The following ADGRL1 variants were observed in gnomAD, a reference collection of about 807,000 sequenced individuals.
ADGRL1 encodes the protein CIRL-1.
ADGRL1 carries 31 observed loss-of-function variants against 148.9 expected under a neutral mutation model. That is an observed-to-expected ratio of 0.21 (90% CI 0.16 to 0.28). The LOEUF is 0.28. Among genes scored for constraint, ADGRL1 ranks in the 10% least tolerant of loss-of-function variants. The probability of loss-of-function intolerance (pLI) is 1.00; values close to 1 mark genes in which losing one functional copy is unlikely to be tolerated. For synonymous variants in ADGRL1, 937 were observed against 900.3 expected, an observed-to-expected ratio of 1.04 and a Z score of -0.73; for missense variants, 1,521 against 2,058.8, an observed-to-expected ratio of 0.74 and a Z score of 5.05.
intron 4 of ADGRL1, chr19:14,166,864 C>A: frequency 1.3e-6 from 1 of 786,050 alleles, no homozygotes; most frequent in South Asian, 1.5e-5. Flanking sequence ...GGGCTGGTCC[C>A]ACTGGGAGGA....
intron 1 of ADGRL1, among the ~76,000 whole-genome samples, chr19:14,201,908 G>A (rs1228667931): frequency 1.3e-5 from 2 of 152,196 alleles, no homozygotes; most frequent in East Asian, 3.8e-4. Flanking sequence ...TGAACATCAG[G>A]AGGGGTGTGG....
At chr19:14,192,147 G>A (rs1470776287) in intron 1 of ADGRL1, among the ~76,000 whole-genome samples, 2 of 152,288 alleles carry the variant, frequency 1.3e-5, no homozygotes, top group South Asian at 2.1e-4. Flanking sequence ...TGGGAGGGAG[G>A]TGGGAAGATA....
chr19:14,160,547 T>G lies in ADGRL1; in HGVS notation c.1614+46A>C. 1 of 1,409,086 alleles carries G rather than the reference T, an allele frequency of 7.1e-7. No individual in the cohort carries two copies. The highest frequency in any genetic ancestry group is 9.7e-7 in the Non-Finnish European group (1 of 1,030,656). 87.3% of individuals were successfully genotyped at this position (1,409,086 alleles called of 1,614,324 possible). A position where few individuals can be genotyped will look rare whatever the true frequency, so the allele number is the denominator to read the frequency against. ...ACGACCCCCGCTGGGCCCTGGGCCC[T>G]GGGCCCGAGCACATGTGCCTGCCTG... On this transcript the variant is annotated intron_variant, in intron 7 of 22. Coordinates refer to ENST00000361434, the MANE Select transcript of ADGRL1 (RefSeq NM_014921.5). This position sits in a 1 kb window ranked among gnomAD's most constrained non-coding sequence, Gnocchi z 5.9.
intron 3 of ADGRL1, chr19:14,171,078 T>C (rs1479975735): frequency 9.4e-6 from 3 of 317,472 alleles, no homozygotes; most frequent in Non-Finnish European, 1.8e-5. Context: ...GATCTGGTTG[T>C]TTAAAAGTGT....
At chr19:14,189,584 G>A (rs1481591623) in intron 1 of ADGRL1, among the ~76,000 whole-genome samples, 2 of 152,092 alleles carry the variant, frequency 1.3e-5, no homozygotes, top group Admixed American at 6.6e-5. Flanking sequence ...GCTCACCTAC[G>A]TTCTAGCCTG....
At chr19:14,181,446 C>T (rs557883384) in intron 2 of ADGRL1, among the ~76,000 whole-genome samples, 3 of 152,106 alleles carry the variant, frequency 2.0e-5, no homozygotes, top group Non-Finnish European at 2.9e-5. Flanking sequence ...TGGCTGGGCG[C>T]GGTGGTTCAC....
At position 14,155,091 on chromosome 19, in the gene ADGRL1, T is replaced by G. The variant is rs1165752483; in HGVS notation, c.3294+268A>C. On this transcript the variant is annotated intron_variant, in intron 18 of 22. Coordinates refer to ENST00000361434, the MANE Select transcript of ADGRL1 (RefSeq NM_014921.5). The surrounding 1 kb of genome is among the most constrained non-coding windows in gnomAD (Gnocchi z 5.0). Reference sequence around the variant, plus strand: ...CTCGTGGCCCTCATGGTGGTGAGGGTTCCCCATTACCAAATCTGTTCTGCT... The same window carrying G: ...CTCGTGGCCCTCATGGTGGTGAGGGGTCCCCATTACCAAATCTGTTCTGCT... 4.1e-6 allele frequency: 1 copy of G among 243,174 alleles called. No individual in the cohort carries two copies. The highest frequency in any genetic ancestry group is 8.0e-6 in the Non-Finnish European group (1 of 125,476). 15.1% of individuals were successfully genotyped at this position (243,174 alleles called of 1,614,324 possible). A position where few individuals can be genotyped will look rare whatever the true frequency, so the allele number is the denominator to read the frequency against.
intron 1 of ADGRL1, among the ~76,000 whole-genome samples, chr19:14,198,373 A>T (rs1394850115): frequency 2.0e-5 from 3 of 151,962 alleles, no homozygotes; most frequent in Non-Finnish European, 4.4e-5. Context: ...TCTCTACCCC[A>T]CCTGTCCCTT....
At chr19:14,184,874 C>G (rs952041972) in intron 1 of ADGRL1, among the ~76,000 whole-genome samples, 1 of 152,016 alleles carries the variant, frequency 6.6e-6, no homozygotes, top group Non-Finnish European at 1.5e-5. Context: ...CTCCTGACCT[C>G]GTGATCCGCC....
intron 1 of ADGRL1, among the ~76,000 whole-genome samples, chr19:14,184,278 G>A (rs905363141): frequency 1.3e-5 from 2 of 152,116 alleles, no homozygotes; most frequent in South Asian, 2.1e-4. Context: ...GGGTAAGCTG[G>A]AGACAGGCAG....
At chr19:14,165,858 G>C (rs928923825) in intron 4 of ADGRL1, among the ~76,000 whole-genome samples, 1 of 152,106 alleles carries the variant, frequency 6.6e-6, no homozygotes, top group African/African-American at 2.4e-5. Context: ...GTAATTTCAA[G>C]GCAAAAGGGA....
Position 14,196,174 on chromosome 19 carries a change from C to G in ADGRL1, c.-96+9811G>C, listed in dbSNP as rs554839043. Among the ~76,000 whole-genome samples the G allele has an allele frequency of 3.3e-5, 5 of 152,340 alleles. No individual in the cohort carries two copies. In the East Asian group the frequency reaches 9.6e-4, roughly 29 times the overall value. ...ATCTCTACCTCGAGGCGAGAACAAT[C>G]TTTGCAAAATGAAACTGTCTACAGT... On this transcript the variant is annotated intron_variant, in intron 1 of 22. Coordinates refer to ENST00000361434, the MANE Select transcript of ADGRL1 (RefSeq NM_014921.5).
chr19:14,183,227 G>GAGAGAGAGAGAGAC (rs1568616325), intron 2 of ADGRL1, among the ~76,000 whole-genome samples: 1 of 152,022 alleles, frequency 6.6e-6, no homozygotes, highest in Admixed American at 6.5e-5. Context: ...GCGAGAGAGA[G>GAGAGAGAGAGAGAC]ACAGAGAGAG....
At position 14,168,982 on chromosome 19, in the gene ADGRL1, T is replaced by A. The variant is rs573155067; in HGVS notation, c.394+1700A>T. 2.0e-5 allele frequency: 3 copies of A among 152,384 alleles called. No individual in the cohort carries two copies. In the South Asian group the frequency reaches 6.2e-4, roughly 32 times the overall value. The allele number at this position is 152,384 out of a possible 1,614,324, so 9.4% of individuals were successfully genotyped here. A position where few individuals can be genotyped will look rare whatever the true frequency, so the allele number is the denominator to read the frequency against. On this transcript the variant is annotated intron_variant, in intron 4 of 22. Transcript: ENST00000361434. Reference sequence around the variant, plus strand: ...AAGCAGGCACCATTTCCTTTGCATCTACAGCTCGGGTGCACACAAGCTTGA... The same window carrying A: ...AAGCAGGCACCATTTCCTTTGCATCAACAGCTCGGGTGCACACAAGCTTGA...
chr19:14,162,139 A>C lies in ADGRL1; in HGVS notation c.1195+467T>G, dbSNP rs959517166. On this transcript the variant is annotated intron_variant, in intron 5 of 22. Coordinates refer to ENST00000361434, the MANE Select transcript of ADGRL1 (RefSeq NM_014921.5). The surrounding 1 kb of genome is among the most constrained non-coding windows in gnomAD (Gnocchi z 5.4). Reference sequence around the variant, plus strand: ...TCCCTGGAGCCCTGGGGTGGCACAGAGCTAGCAGGGCAGCTAGGCGGGGCA... The same window carrying C: ...TCCCTGGAGCCCTGGGGTGGCACAGCGCTAGCAGGGCAGCTAGGCGGGGCA... Among the ~76,000 whole-genome samples, 3 of 152,166 alleles carry C rather than the reference A, an allele frequency of 2.0e-5. No homozygotes were observed. Among genetic ancestry groups the C allele is most frequent in the Non-Finnish European group, 4.4e-5 (3 of 68,016 alleles).
intron 2 of ADGRL1, among the ~76,000 whole-genome samples, chr19:14,178,460 G>A (rs182448618): frequency 1.4e-4 from 22 of 152,100 alleles, no homozygotes; most frequent in African/African-American, 5.1e-4. Context: ...AGCCATGATT[G>A]TGCCATTGCA....
chr19:14,187,190 T>C (rs1599495885), intron 1 of ADGRL1, among the ~76,000 whole-genome samples: 1 of 151,922 alleles, frequency 6.6e-6, no homozygotes, highest in East Asian at 1.9e-4. Flanking sequence ...TACCAAAAAA[T>C]TAGCCGGGCG....
intron 11 of ADGRL1, 106 bp from the exon 12 acceptor site, chr19:14,158,658 C>CG: frequency 2.3e-6 from 2 of 879,318 alleles, no homozygotes; most frequent in Non-Finnish European, 3.6e-6. Flanking sequence ...CTTGGCCACG[C>CG]TGGCCACTGG....
chr19:14,166,825 G>C (rs1360504086), intron 4 of ADGRL1, among the ~76,000 whole-genome samples: 1 of 152,154 alleles, frequency 6.6e-6, no homozygotes, highest in East Asian at 1.9e-4. Context: ...GTGGGTATCT[G>C]GAGGGTGGAG....
Sources: gnomAD v4.1 joint callset for allele counts (sites outside exome capture counted in the v4.1 genomes callset) on GRCh38, gnomAD v4.1.1 for gene constraint, Gnocchi (gnomAD v3.1) non-coding constraint, MANE v1.5 for transcripts, NCBI Gene and HGNC (gene_info 2026-07-23, HGNC 2026-07-21) for gene names.